The following IFT81 variants were observed in gnomAD, a reference collection of about 807,000 sequenced individuals.
IFT81 encodes the protein intraflagellar transport protein 81 homolog.
In IFT81, 72 loss-of-function variants were observed where a neutral mutation model predicts 102.6. The observed-to-expected ratio is 0.70, with a 90% confidence interval of 0.58 to 0.85. The LOEUF is 0.85. Among genes scored for constraint, IFT81 ranks in the 40% least tolerant of loss-of-function variants. The probability of loss-of-function intolerance (pLI) is 0.00; values close to 1 mark genes in which losing one functional copy is unlikely to be tolerated. For missense variants in IFT81, 723 were observed against 787.3 expected (o/e 0.92, Z 0.98); for synonymous variants, 237 against 242.7 (o/e 0.98, Z 0.22).
chr12:110,163,065 G>A lies in IFT81; in HGVS notation c.1188G>A (p.Glu396=). 1 of 1,612,760 alleles carries A rather than the reference G, an allele frequency of 6.2e-7. No homozygotes were observed. Among genetic ancestry groups the A allele is most frequent in the Non-Finnish European group, 8.5e-7 (1 of 1,179,272 alleles). Residue 396 remains glutamate, a splice_region_variant and synonymous_variant, in exon 11 of 19, where the codon GAG becomes GAA. Coordinates refer to ENST00000242591, the MANE Select transcript of IFT81 (RefSeq NM_014055.4). ...GTACTGAAGTTTTAAAGGGAGATGA[G>A]GTAAGCTGAGCCATCTCATGGGACA... ...FDGTEVLKGD[E]FKRYVNKLRS...
At chr12:110,138,751 A>G (rs1004546585) in intron 8 of IFT81, among the ~76,000 whole-genome samples, 1 of 152,130 alleles carries the variant, frequency 6.6e-6, no homozygotes, top group Admixed American at 6.6e-5. Context: ...TCATTGTTAT[A>G]CTCCACACAT....
At chr12:110,203,125 G>A (rs1243772696) in intron 14 of IFT81, among the ~76,000 whole-genome samples, 1 of 152,086 alleles carries the variant, frequency 6.6e-6, no homozygotes, top group Non-Finnish European at 1.5e-5. Context: ...AATTAGCCAG[G>A]CATGGTGGCA....
intron 8 of IFT81, among the ~76,000 whole-genome samples, chr12:110,142,944 G>T (rs1474439768): frequency 1.3e-5 from 2 of 151,908 alleles, no homozygotes; most frequent in Admixed American, 6.6e-5. Flanking sequence ...AGCATTAAAA[G>T]TATTCCAAAA....
chr12:110,163,493 G>A (rs1227406026), intron 11 of IFT81, among the ~76,000 whole-genome samples: 1 of 152,008 alleles, frequency 6.6e-6, no homozygotes, highest in Non-Finnish European at 1.5e-5. Flanking sequence ...TGCCTGCCTT[G>A]GCCTCCCAAA....
chr12:110,194,619 G>T (rs1166182051), intron 14 of IFT81, among the ~76,000 whole-genome samples: 1 of 151,974 alleles, frequency 6.6e-6, no homozygotes, highest in Non-Finnish European at 1.5e-5. Flanking sequence ...TATTTTCAAT[G>T]AAATATCTAT....
At chr12:110,135,097 C>T in intron 6 of IFT81, 84 bp downstream of exon 6, 1 of 1,060,778 alleles carries the variant, frequency 9.4e-7, no homozygotes, top group Non-Finnish European at 1.4e-6. Context: ...AAGATTCAGC[C>T]AAGCATGAGT....
At chr12:110,150,030 C>T (rs1895436183) in intron 10 of IFT81, among the ~76,000 whole-genome samples, 1 of 152,148 alleles carries the variant, frequency 6.6e-6, no homozygotes, top group Non-Finnish European at 1.5e-5. Context: ...CCAGCACTTC[C>T]CTGCCCCACT....
chr12:110,216,728 G>T (rs1037513421), intron 18 of IFT81: 1 of 401,850 alleles, frequency 2.5e-6, no homozygotes, highest in East Asian at 7.3e-5. Context: ...ATTTCACCAT[G>T]TTGGCCAGGC....
intron 10 of IFT81, among the ~76,000 whole-genome samples, chr12:110,150,009 C>G (rs1489838097): frequency 6.6e-6 from 1 of 152,208 alleles, no homozygotes; most frequent in African/African-American, 2.4e-5. Context: ...AGGGACCATG[C>G]CCTCCTCTAC....
intron 10 of IFT81, among the ~76,000 whole-genome samples, chr12:110,153,491 G>A (rs575315289): frequency 2.0e-4 from 31 of 151,660 alleles, no homozygotes; most frequent in Admixed American, 9.2e-4. Context: ...CACCTGCCTC[G>A]GCTGCCAAAG....
Position 110,173,524 on chromosome 12 carries a change from G to A in IFT81, c.1189-6898G>A, listed in dbSNP as rs559849707. 8.1e-4 allele frequency among the ~76,000 whole-genome samples: 123 copies of A among 152,344 alleles called. 2 individuals are homozygous for A. In the South Asian group the frequency reaches 0.024, roughly 29 times the overall value. On this transcript the variant is annotated intron_variant, in intron 11 of 18. Transcript: ENST00000242591. ...ATGGTGGTTTTGTGGAATAGAAAGC[G>A]GGGAAAGGTGGGGAAAAGATTGAGA...
At chr12:110,167,855 T>TG (rs930294382) in intron 11 of IFT81, 12 of 309,256 alleles carry the variant, frequency 3.9e-5, no homozygotes, top group Non-Finnish European at 7.4e-5. Context: ...TTCTTTTTTT[T>TG]TTTTTTTTTC....
intron 14 of IFT81, among the ~76,000 whole-genome samples, chr12:110,193,773 A>T (rs112265678): frequency 2.6e-5 from 4 of 152,324 alleles, no homozygotes; most frequent in African/African-American, 9.6e-5. Flanking sequence ...TTTGTGTGAT[A>T]CTTGCATTTT....
chr12:110,162,668 C>T (rs1409334446), intron 10 of IFT81, among the ~76,000 whole-genome samples: 1 of 151,980 alleles, frequency 6.6e-6, no homozygotes, highest in Non-Finnish European at 1.5e-5. Flanking sequence ...TTTTGTTTCT[C>T]TGCTGATATG....
At chr12:110,167,918 C>G (rs192439317) in intron 11 of IFT81, 85 of 243,552 alleles carry the variant, frequency 3.5e-4, no homozygotes, top group Admixed American at 6.8e-4. Context: ...GTGGTGTGAT[C>G]ATGGCTTACT....
At chr12:110,146,142 T>C (rs999844473) in intron 9 of IFT81, among the ~76,000 whole-genome samples, 1 of 152,098 alleles carries the variant, frequency 6.6e-6, no homozygotes, top group Admixed American at 6.6e-5. Flanking sequence ...GTCACAGAAT[T>C]AGGGTTAGGG....
At chr12:110,165,630 T>C (rs1421970791) in intron 11 of IFT81, among the ~76,000 whole-genome samples, 1 of 152,198 alleles carries the variant, frequency 6.6e-6, no homozygotes, top group Non-Finnish European at 1.5e-5. Flanking sequence ...AATAGATACT[T>C]TTTTACTTCT....
At chr12:110,167,296 G>A (rs1394147983) in intron 11 of IFT81, among the ~76,000 whole-genome samples, 2 of 152,072 alleles carry the variant, frequency 1.3e-5, no homozygotes, top group Non-Finnish European at 2.9e-5. Flanking sequence ...ACAGGAATAA[G>A]CACAGGCATG....
At chr12:110,139,681 G>A (rs368470192) in intron 8 of IFT81, among the ~76,000 whole-genome samples, 25 of 151,394 alleles carry the variant, frequency 1.7e-4, no homozygotes, top group Middle Eastern at 3.2e-3. Context: ...GGCTGAGGCA[G>A]GAGAATGGCA....
Sources: gnomAD v4.1 joint callset for allele counts (sites outside exome capture counted in the v4.1 genomes callset) on GRCh38, gnomAD v4.1.1 for gene constraint, MANE v1.5 for transcripts, NCBI Gene and HGNC (gene_info 2026-07-23, HGNC 2026-07-21) for gene names.